The following USH2A variants were observed in gnomAD, a reference collection of about 807,000 sequenced individuals.
USH2A encodes Usher syndrome 2A (autosomal recessive, mild).
In USH2A, 443 loss-of-function variants were observed where a neutral mutation model predicts 538.9. That is an observed-to-expected ratio of 0.82 (90% CI 0.76 to 0.89). The LOEUF (loss-of-function observed/expected upper bound fraction) is 0.89, where lower values mean the gene tolerates loss of function less well. Ranked by LOEUF, USH2A falls within the 40% of genes least tolerant of loss-of-function variation. The pLI, the probability that USH2A is intolerant of heterozygous loss-of-function variation, is 0.00. For missense variants in USH2A, 6,633 were observed against 6,324.8 expected (o/e 1.05, Z -1.65); for synonymous variants, 2,413 against 2,273.5 (o/e 1.06, Z -1.75).
At chr1:216,160,280 G>T (rs537899121) in intron 21 of USH2A, among the ~76,000 whole-genome samples, 100 of 151,934 alleles carry the variant, frequency 6.6e-4, no homozygotes, top group African/African-American at 2.2e-3. Context: ...TGCATTTAAA[G>T]CTATAAAGCA....
At chr1:216,249,669 C>T (rs571059556) in intron 12 of USH2A, among the ~76,000 whole-genome samples, 1 of 152,062 alleles carries the variant, frequency 6.6e-6, no homozygotes, top group Non-Finnish European at 1.5e-5. Context: ...TTCTTTAAAC[C>T]AGAGAAATCT....
In USH2A at chr1:216,023,697, G is replaced by A. The variant is rs183548798; in HGVS notation, c.6325+22734C>T. On this transcript the variant is annotated intron_variant, in intron 32 of 71. Coordinates refer to ENST00000307340, the MANE Select transcript of USH2A (RefSeq NM_206933.4). ...ATATTTATGCACATCGAAAGTATGCGTTAACATTACATTTAGATACAAGTC... is the reference window on the plus strand; with the variant it reads ...ATATTTATGCACATCGAAAGTATGCATTAACATTACATTTAGATACAAGTC... Among the ~76,000 whole-genome samples, 302 of 152,012 alleles carry A rather than the reference G, an allele frequency of 2.0e-3. 2 individuals are homozygous for A. Among genetic ancestry groups the A allele is most frequent in the African/African-American group, 6.7e-3 (277 of 41,502 alleles).
chr1:216,086,430 T>A (rs2032135655), intron 24 of USH2A, among the ~76,000 whole-genome samples: 1 of 152,138 alleles, frequency 6.6e-6, no homozygotes, highest in Non-Finnish European at 1.5e-5. Context: ...AAACTATGCA[T>A]AGGTCCTAAA....
chr1:216,021,605 T>A (rs541772381), intron 32 of USH2A, among the ~76,000 whole-genome samples: 1 of 152,270 alleles, frequency 6.6e-6, no homozygotes, highest in South Asian at 2.1e-4. Flanking sequence ...CTTCCCTGGA[T>A]ATCTAGCCTG....
intron 40 of USH2A, among the ~76,000 whole-genome samples, chr1:215,892,830 A>T (rs1665242108): frequency 6.6e-6 from 1 of 152,174 alleles, no homozygotes; most frequent in South Asian, 2.1e-4. Flanking sequence ...GAAACCTCTG[A>T]AGGCTAAAAG....
chr1:216,184,799 A>C (rs2034565893), intron 20 of USH2A, among the ~76,000 whole-genome samples: 1 of 151,978 alleles, frequency 6.6e-6, no homozygotes, highest in Non-Finnish European at 1.5e-5. Context: ...ATGTACCCGA[A>C]TGCAAAACAA....
At chr1:216,142,235 G>A (rs2033617076) in intron 21 of USH2A, among the ~76,000 whole-genome samples, 1 of 152,158 alleles carries the variant, frequency 6.6e-6, no homozygotes, top group African/African-American at 2.4e-5. Flanking sequence ...ATGGTAGAAG[G>A]TAGGGTCTCA....
chr1:216,315,703 A>G (rs1025320653), intron 9 of USH2A, among the ~76,000 whole-genome samples: 1 of 152,184 alleles, frequency 6.6e-6, no homozygotes, highest in East Asian at 1.9e-4. Context: ...ATTATTTTTT[A>G]CAACTGTATA....
At chr1:215,702,090 C>T (rs938788380) in intron 61 of USH2A, among the ~76,000 whole-genome samples, 3 of 152,132 alleles carry the variant, frequency 2.0e-5, no homozygotes, top group African/African-American at 7.2e-5. Flanking sequence ...CTTAGTTTGG[C>T]TGGATATGAA....
chr1:216,291,875 C>T (rs190727400), intron 10 of USH2A, among the ~76,000 whole-genome samples: 2 of 152,224 alleles, frequency 1.3e-5, no homozygotes, highest in African/African-American at 4.8e-5. Flanking sequence ...CCGAGTTATT[C>T]TAAATATGGT....
intron 21 of USH2A, among the ~76,000 whole-genome samples, chr1:216,122,634 C>A (rs1558269925): frequency 6.6e-6 from 1 of 152,022 alleles, no homozygotes; most frequent in African/African-American, 2.4e-5. Flanking sequence ...TGGGAAGGTG[C>A]TAGGAGGCTC....
chr1:216,211,680 T>G (rs550803013), intron 15 of USH2A, among the ~76,000 whole-genome samples: 1 of 152,332 alleles, frequency 6.6e-6, no homozygotes, highest in African/African-American at 2.4e-5. Flanking sequence ...TCCAACAGTC[T>G]ATATGCCTAT....
chr1:216,273,407 TG>T (rs1571646526), intron 11 of USH2A, among the ~76,000 whole-genome samples: 1 of 151,906 alleles, frequency 6.6e-6, no homozygotes, highest in Non-Finnish European at 1.5e-5. Context: ...TGAGAGTGGA[TG>T]GGTAAGGGTG....
intron 9 of USH2A, among the ~76,000 whole-genome samples, chr1:216,311,079 AC>A (rs2037411943): frequency 6.6e-6 from 1 of 152,216 alleles, no homozygotes; most frequent in South Asian, 2.1e-4. Flanking sequence ...GCCGAGGAGA[AC>A]AGTGAAATAA....
intron 44 of USH2A, among the ~76,000 whole-genome samples, chr1:215,860,642 G>A (rs72742758): frequency 0.011 from 1,643 of 152,186 alleles, 11 homozygotes; most frequent in Non-Finnish European, 0.017. Flanking sequence ...TGCTCCAGTG[G>A]CAAATTTGAG....
At position 215,743,304 on chromosome 1, in the gene USH2A, GTACTCCACAGGAATTT is replaced by G; in HGVS notation, c.11405_11420del (p.Glu3802AlafsTer10). On this transcript the variant is annotated frameshift_variant, in exon 59 of 72. Transcript: ENST00000307340. LOFTEE classifies it high-confidence loss of function. ...CACTTCCATCATTGAGTAAGACATT[GTACTCCACAGGAATTT>G]CGGGGATGAGGATCCCTTTAAAGAG... The G allele has an allele frequency of 6.2e-7, 1 of 1,605,566 alleles. No individual in the cohort carries two copies. Among genetic ancestry groups the G allele is most frequent in the Non-Finnish European group, 8.5e-7 (1 of 1,176,564 alleles).
At chr1:215,666,982 T>C (rs1288405699) in intron 64 of USH2A, among the ~76,000 whole-genome samples, 1 of 151,960 alleles carries the variant, frequency 6.6e-6, no homozygotes, top group Non-Finnish European at 1.5e-5. Flanking sequence ...TCCCAGCTAC[T>C]TGGGAGGGTG....
At chr1:216,118,592 G>A (rs1021389972) in intron 21 of USH2A, among the ~76,000 whole-genome samples, 3 of 152,164 alleles carry the variant, frequency 2.0e-5, no homozygotes, top group African/African-American at 7.2e-5. Context: ...CATCACTGGA[G>A]ATACTAATAT....
intron 60 of USH2A, among the ~76,000 whole-genome samples, chr1:215,730,898 G>T (rs1256041161): frequency 1.3e-5 from 2 of 152,158 alleles, no homozygotes; most frequent in Non-Finnish European, 2.9e-5. Flanking sequence ...CAGGTACCAG[G>T]TGTGTCATTG....
Sources: allele counts gnomAD v4.1 joint callset (sites outside exome capture counted in the v4.1 genomes callset), GRCh38; gene constraint gnomAD v4.1.1; transcripts MANE v1.5; gene names NCBI Gene and HGNC (gene_info 2026-07-23, HGNC 2026-07-21).